Variants in ENTHD1 observed in about 807,000 individuals in gnomAD.
The protein encoded by ENTHD1 is ENTH domain containing 1.
Under a neutral mutation model 39.1 loss-of-function variants are expected in ENTHD1, and 23 were observed. The observed-to-expected ratio is 0.59, with a 90% CI of 0.42 to 0.83. ENTHD1 has a LOEUF of 0.83. ENTHD1 is among the 40% of genes least tolerant of loss of function. The probability of loss-of-function intolerance (pLI) is 0.00; values close to 1 mark genes in which losing one functional copy is unlikely to be tolerated. For missense variants in ENTHD1, 624 were observed against 705.4 expected (o/e 0.88, Z 1.31); for synonymous variants, 230 against 258.2 (o/e 0.89, Z 1.05).
At chr22:39,791,211 C>T (rs1188892268) in intron 5 of ENTHD1, among the ~76,000 whole-genome samples, 1 of 146,730 alleles carries the variant, frequency 6.8e-6, no homozygotes, top group African/African-American at 2.5e-5. Context: ...AGTCTAATAT[C>T]TTTAGACTAT....
chr22:39,884,690 G>A (rs964458477), intron 2 of ENTHD1, among the ~76,000 whole-genome samples: 3 of 152,178 alleles, frequency 2.0e-5, no homozygotes, highest in Non-Finnish European at 2.9e-5. Flanking sequence ...ACAACTGGGA[G>A]TACAGAAATA....
At chr22:39,883,871 A>AAC (rs2066360039) in intron 2 of ENTHD1, among the ~76,000 whole-genome samples, 1 of 151,278 alleles carries the variant, frequency 6.6e-6, no homozygotes, top group Non-Finnish European at 1.5e-5. Flanking sequence ...AAAAAAAAAA[A>AAC]AAAAGACAAT....
intron 6 of ENTHD1, chr22:39,750,932 GTCA>G (rs2065142690): frequency 6.4e-6 from 1 of 155,108 alleles, no homozygotes; most frequent in African/African-American, 2.4e-5. Context: ...TGCTAGTATA[GTCA>G]TCATCCAAAA....
At chr22:39,753,814 A>C (rs975230882) in intron 6 of ENTHD1, among the ~76,000 whole-genome samples, 1 of 152,106 alleles carries the variant, frequency 6.6e-6, no homozygotes, top group African/African-American at 2.4e-5. Context: ...CTCCTCTGAA[A>C]CCTGTTTTCC....
intron 6 of ENTHD1, among the ~76,000 whole-genome samples, chr22:39,754,056 C>T (rs549704986): frequency 9.8e-5 from 15 of 152,292 alleles, no homozygotes; most frequent in Non-Finnish European, 1.8e-4. Context: ...TACCTGCTAA[C>T]TTGTAATCCG....
intron 5 of ENTHD1, among the ~76,000 whole-genome samples, chr22:39,771,777 T>C (rs1313953001): frequency 6.6e-6 from 1 of 151,792 alleles, no homozygotes; most frequent in Non-Finnish European, 1.5e-5. Context: ...AATCAAAACA[T>C]TGTAAGATAA....
At chr22:39,759,269 G>T (rs1458028517) in intron 6 of ENTHD1, among the ~76,000 whole-genome samples, 1 of 152,152 alleles carries the variant, frequency 6.6e-6, no homozygotes, top group Non-Finnish European at 1.5e-5. Context: ...ATATGTATAT[G>T]TGTGTTTGTG....
chr22:39,800,611 T>A (rs1408213297), intron 5 of ENTHD1, among the ~76,000 whole-genome samples: 2 of 152,198 alleles, frequency 1.3e-5, no homozygotes, highest in African/African-American at 4.8e-5. Context: ...GCTTGAGGCT[T>A]AGTTTTCTGA....
At chr22:39,802,395 G>A (rs558883945) in intron 5 of ENTHD1, among the ~76,000 whole-genome samples, 3 of 152,288 alleles carry the variant, frequency 2.0e-5, no homozygotes, top group African/African-American at 4.8e-5. Flanking sequence ...TAATAGTCTG[G>A]GTGGGGAAAC....
At chr22:39,861,647 A>G (rs978942690) in intron 3 of ENTHD1, 118 bp downstream of exon 3, 1 of 838,388 alleles carries the variant, frequency 1.2e-6, no homozygotes, top group African/African-American at 1.8e-5. Context: ...GAAGCCTAAT[A>G]TGGTAATAGT....
chr22:39,839,891 T>C (rs1034860080), intron 3 of ENTHD1, among the ~76,000 whole-genome samples: 3 of 152,232 alleles, frequency 2.0e-5, no homozygotes, highest in Non-Finnish European at 2.9e-5. Flanking sequence ...ATGTTGGAGA[T>C]GCATTTTGGC....
chr22:39,754,706 T>C (rs1368446015), intron 6 of ENTHD1, among the ~76,000 whole-genome samples: 1 of 152,208 alleles, frequency 6.6e-6, no homozygotes, highest in African/African-American at 2.4e-5. Context: ...TCTCAGATCG[T>C]GATCCACCTA....
intron 5 of ENTHD1, among the ~76,000 whole-genome samples, chr22:39,806,212 G>A (rs1466189474): frequency 6.6e-6 from 1 of 152,220 alleles, no homozygotes; most frequent in African/African-American, 2.4e-5. Context: ...CAGTGCCAAT[G>A]CCCACATGCA....
Position 39,765,231 on chromosome 22 carries a change from G to A in ENTHD1, c.1211C>T (p.Thr404Ile). The change falls in exon 6 of 7, where the codon ACC becomes ATC. Residue 404 changes from threonine (T) to isoleucine (I), a missense_variant. By Grantham distance (89) the Thr-to-Ile change is moderately conservative. Coordinates refer to ENST00000325157, the MANE Select transcript of ENTHD1 (RefSeq NM_152512.4). ...GTGTTTGGCAGACTCACCCCGTGTGGTTGTCTTGAGGATTTTATCATCCAT... is the reference window on the plus strand; with the variant it reads ...GTGTTTGGCAGACTCACCCCGTGTGATTGTCTTGAGGATTTTATCATCCAT... ...IQMDDKILKTTTRVSTASEGA... is the reference protein window; with the variant it reads ...IQMDDKILKTITRVSTASEGA... 1.9e-6 allele frequency: 3 copies of A among 1,599,282 alleles called. No homozygotes were observed. Among genetic ancestry groups the A allele is most frequent in the Non-Finnish European group, 2.6e-6 (3 of 1,173,046 alleles).
intron 3 of ENTHD1, among the ~76,000 whole-genome samples, chr22:39,856,863 A>AG (rs1453725119): frequency 2.6e-5 from 4 of 151,520 alleles, no homozygotes; most frequent in Admixed American, 6.6e-5. Flanking sequence ...AAAAAAAAAA[A>AG]AAAAAGAAAG....
At chr22:39,796,179 A>G (rs1262900570) in intron 5 of ENTHD1, among the ~76,000 whole-genome samples, 1 of 151,854 alleles carries the variant, frequency 6.6e-6, no homozygotes, top group African/African-American at 2.4e-5. Flanking sequence ...CTTTATTGAT[A>G]TAGGTGTTTA....
chr22:39,775,637 G>A (rs921985814), intron 5 of ENTHD1, among the ~76,000 whole-genome samples: 17 of 152,084 alleles, frequency 1.1e-4, no homozygotes, highest in Admixed American at 4.6e-4. Flanking sequence ...TGTTCATAAC[G>A]TAAAGAGACT....
intron 4 of ENTHD1, among the ~76,000 whole-genome samples, chr22:39,830,312 TG>T (rs1017379098): frequency 6.6e-5 from 10 of 152,274 alleles, no homozygotes; most frequent in Admixed American, 2.0e-4. Flanking sequence ...TGACCTCAAG[TG>T]ATCCGTCCAC....
chr22:39,882,184 C>T (rs1419811597), intron 2 of ENTHD1, among the ~76,000 whole-genome samples: 1 of 152,126 alleles, frequency 6.6e-6, no homozygotes, highest in African/African-American at 2.4e-5. Context: ...GGATGATTAA[C>T]ATATGGTACA....
Sources: gnomAD v4.1 joint callset for allele counts (sites outside exome capture counted in the v4.1 genomes callset) on GRCh38, gnomAD v4.1.1 for gene constraint, MANE v1.5 for transcripts, NCBI Gene and HGNC (gene_info 2026-07-23, HGNC 2026-07-21) for gene names.